Variants in FANK1 observed in about 807,000 individuals in gnomAD.
The protein encoded by FANK1 is fibronectin type 3 and ankyrin repeat domains protein 1.
A neutral mutation model predicts 45.3 loss-of-function variants in FANK1; 44 were observed. The observed-to-expected ratio is 0.97, with a 90% CI of 0.76 to 1.25. The LOEUF (loss-of-function observed/expected upper bound fraction) is 1.25, where lower values mean the gene tolerates loss of function less well. FANK1 is among the 50% of genes most tolerant of loss of function. FANK1 has a pLI of 0.00. For synonymous variants in FANK1, 149 were observed against 152.5 expected, an observed-to-expected ratio of 0.98 and a Z score of 0.17; for missense variants, 391 against 424.4, an observed-to-expected ratio of 0.92 and a Z score of 0.69.
chr10:125,898,410 AGGTCTTGGTG>A (rs1944756718), intron 1 of FANK1, among the ~76,000 whole-genome samples: 1 of 151,986 alleles, frequency 6.6e-6, no homozygotes, highest in Admixed American at 6.6e-5. Flanking sequence ...AGAACTCCTG[AGGTCTTGGTG>A]GGGTTCGGAG....
intron 1 of FANK1, among the ~76,000 whole-genome samples, chr10:125,954,511 A>G (rs539906086): frequency 6.6e-6 from 1 of 152,370 alleles, no homozygotes; most frequent in African/African-American, 2.4e-5. Context: ...TAAAGGATCA[A>G]TAATTTTTAA....
At chr10:125,934,334 G>C (rs965961052) in intron 1 of FANK1, among the ~76,000 whole-genome samples, 1 of 152,118 alleles carries the variant, frequency 6.6e-6, no homozygotes. Flanking sequence ...ATAGTTTACT[G>C]TACATGAATA....
intron 2 of FANK1, among the ~76,000 whole-genome samples, chr10:125,981,309 A>G (rs542245372): frequency 1.2e-4 from 18 of 152,104 alleles, no homozygotes; most frequent in Non-Finnish European, 1.9e-4. Context: ...GATGTTCAAG[A>G]CCAGCCTAGG....
intron 1 of FANK1, among the ~76,000 whole-genome samples, chr10:125,936,961 G>A (rs1948140142): frequency 6.6e-6 from 1 of 151,996 alleles, no homozygotes; most frequent in Non-Finnish European, 1.5e-5. Context: ...CAGCTACTCC[G>A]GAGGCTGAGG....
intron 1 of FANK1, among the ~76,000 whole-genome samples, chr10:125,952,901 G>A (rs570082024): frequency 2.0e-5 from 3 of 151,448 alleles, no homozygotes; most frequent in Non-Finnish European, 4.4e-5. Context: ...TTAAAGGCTG[G>A]GGTGGCAGCT....
intron 1 of FANK1, among the ~76,000 whole-genome samples, chr10:125,915,894 T>A (rs1440870972): frequency 1.3e-5 from 2 of 152,224 alleles, no homozygotes; most frequent in African/African-American, 2.4e-5. Flanking sequence ...TTTGTAGTGA[T>A]TGGCATTTTC....
chr10:125,905,692 T>A, intron 1 of FANK1, among the ~76,000 whole-genome samples: 1 of 152,156 alleles, frequency 6.6e-6, no homozygotes, highest in Non-Finnish European at 1.5e-5. Flanking sequence ...AACTCCCCCC[T>A]CTTGCACTCT....
intron 1 of FANK1, among the ~76,000 whole-genome samples, chr10:125,940,084 AG>A (rs1948351329): frequency 6.6e-6 from 1 of 152,160 alleles, no homozygotes; most frequent in Admixed American, 6.5e-5. Flanking sequence ...ATGTCAGTGA[AG>A]GGGTAGCCTG....
intron 1 of FANK1, among the ~76,000 whole-genome samples, chr10:125,912,443 AGTGTGTGTGTGTGTGTGTGT>A (rs60956003): frequency 0.39 from 57,472 of 147,254 alleles, 11,290 homozygotes; most frequent in South Asian, 0.44. Flanking sequence ...GCACCACCAA[AGTGTGTGTGTGTGTGTGTGT>A]GTGTGTGTGT....
rs1186568548 is a variant in FANK1 at position 125,983,972 on chromosome 10, C to G, written c.191+3634C>G. On this transcript the variant is annotated intron_variant, in intron 2 of 10. Transcript: ENST00000368693. The surrounding 1 kb of genome is among the most constrained non-coding windows in gnomAD (Gnocchi z 4.3). Reference sequence around the variant, plus strand: ...ACAGTTTAGGTGGGAGACAACACAACAGTGTGGAAAGTGGGAGGATGCAGG... The same window carrying G: ...ACAGTTTAGGTGGGAGACAACACAAGAGTGTGGAAAGTGGGAGGATGCAGG... 6.6e-6 allele frequency among the ~76,000 whole-genome samples: 1 copy of G among 152,130 alleles called. No homozygotes were observed. Among genetic ancestry groups the G allele is most frequent in the African/African-American group, 2.4e-5 (1 of 41,426 alleles).
rs369954993 is a variant in FANK1, at chr10:126,009,467, C to T, written c.*29C>T. ...GAGCACCACTCATCTGCGAAACGCA[C>T]GTAAAACAAAGTGAACCGTGACTGT... On this transcript the variant is annotated 3_prime_UTR_variant, in exon 11 of 11. Transcript: ENST00000368693. 18 of 1,609,508 alleles carry T rather than the reference C, an allele frequency of 1.1e-5. No individual in the cohort carries two copies. The highest frequency in any genetic ancestry group is 4.0e-5 in the African/African-American group (3 of 74,588).
chr10:126,008,454 C>G lies in FANK1; in HGVS notation c.753C>G (p.Val251=). 1 of 1,613,522 alleles carries G rather than the reference C, an allele frequency of 6.2e-7. No individual in the cohort carries two copies. Among genetic ancestry groups the G allele is most frequent in the Non-Finnish European group, 8.5e-7 (1 of 1,179,724 alleles). ...CAGGATGGACCCCACTCATGAGAGT[C>G]TCTGCGGTGTCGGGAAATCAGAGGG... ...TGSGWTPLMR[V]SAVSGNQRVA... The change falls in exon 8 of 11, where the codon GTC becomes GTG. Residue 251 remains valine (V), a synonymous_variant. Transcript: ENST00000368693.
chr10:125,977,386 G>A (rs1437664525), intron 1 of FANK1, among the ~76,000 whole-genome samples: 1 of 152,172 alleles, frequency 6.6e-6, no homozygotes, highest in Non-Finnish European at 1.5e-5. Context: ...AAGCTTTGGG[G>A]TGTGATCCAG....
At chr10:125,972,341 C>T (rs765372508) in intron 1 of FANK1, 3 of 152,040 alleles carry the variant, frequency 2.0e-5, no homozygotes, top group Non-Finnish European at 4.4e-5. Flanking sequence ...CTGCTAGTCA[C>T]CTGTAAATAT....
chr10:125,996,551 C>A lies in FANK1; in HGVS notation c.400C>A (p.Arg134Ser). 1 of 1,613,854 alleles carries A rather than the reference C, an allele frequency of 6.2e-7. No homozygotes were observed. Among genetic ancestry groups the A allele is most frequent in the Non-Finnish European group, 8.5e-7 (1 of 1,179,902 alleles). Residue 134 changes from arginine (R) to serine (S), a missense_variant and splice_region_variant, in exon 5 of 11, where the codon CGT becomes AGT. Coordinates refer to ENST00000368693, the MANE Select transcript of FANK1 (RefSeq NM_145235.5). Reference protein sequence around the residue: ...DLLVRILQGGRVKVDVPNKFG... With the variant: ...DLLVRILQGGSVKVDVPNKFG... The stretch of plus-strand genomic sequence containing the variant: ...TCTCTTTTCTCTGCTTTTCCCAAGC[C>A]GTGTTAAGGTTGATGTTCCCAATAA...
At chr10:125,980,749 C>T (rs2366341) in intron 2 of FANK1, 62,912 of 160,756 alleles carry the variant, frequency 0.39, 12,609 homozygotes, top group South Asian at 0.45. Context: ...TCTTATACCA[C>T]GCTGGCTGCC....
At chr10:125,991,002 C>T (rs931524189) in intron 3 of FANK1, among the ~76,000 whole-genome samples, 6 of 152,182 alleles carry the variant, frequency 3.9e-5, no homozygotes, top group Non-Finnish European at 8.8e-5. Flanking sequence ...ATTCAGTTAC[C>T]TCCCACCAGG....
rs869228024 is a variant in FANK1, at chr10:125,912,486, GTT to G, written c.13+15835_13+15836del. 5.4e-4 allele frequency among the ~76,000 whole-genome samples: 69 copies of G among 126,886 alleles called. No individual in the cohort carries two copies. In the Middle Eastern group the frequency reaches 0.012, roughly 22 times the overall value. The allele number at this position is 126,886 out of a possible 152,430, so 83.2% of individuals were successfully genotyped here. ...TGTGTGTGTGTGTGTGTGTGTGTGT[GTT>G]TTTGAGATTAAAACTTTAGGGAAAG... On this transcript the variant is annotated intron_variant, in intron 1 of 10. Coordinates refer to ENST00000368693, the MANE Select transcript of FANK1 (RefSeq NM_145235.5).
At chr10:125,970,249 C>T (rs977291007) in intron 1 of FANK1, among the ~76,000 whole-genome samples, 7 of 151,724 alleles carry the variant, frequency 4.6e-5, no homozygotes, top group South Asian at 2.1e-4. Context: ...CAGGCAGAGG[C>T]GCCCCTGCCT....
Sources: gnomAD v4.1 joint callset for allele counts (sites outside exome capture counted in the v4.1 genomes callset) on GRCh38, gnomAD v4.1.1 for gene constraint, Gnocchi (gnomAD v3.1) non-coding constraint, MANE v1.5 for transcripts, NCBI Gene and HGNC (gene_info 2026-07-23, HGNC 2026-07-21) for gene names.